The following EYS variants were observed in gnomAD, a reference collection of about 807,000 sequenced individuals.
The protein encoded by EYS is protein eyes shut homolog.
Under a neutral mutation model 282.1 loss-of-function variants are expected in EYS, and 250 were observed. That is an observed-to-expected ratio of 0.89 (90% CI 0.80 to 0.98). The LOEUF (loss-of-function observed/expected upper bound fraction) is 0.98. EYS is among the 50% of genes least tolerant of loss of function. EYS has a pLI of 0.00. For missense variants in EYS, 4,016 were observed against 3,709.0 expected (o/e 1.08, Z -2.15); for synonymous variants, 1,355 against 1,282.9 (o/e 1.06, Z -1.20).
intron 31 of EYS, among the ~76,000 whole-genome samples, chr6:64,122,238 G>T (rs1452609910): frequency 6.6e-6 from 1 of 152,008 alleles, no homozygotes; most frequent in Non-Finnish European, 1.5e-5. Flanking sequence ...AACTGAGATT[G>T]GAAAATACAT....
rs763400165 is a variant in EYS, at chr6:64,591,600, G to A, written c.4267C>T (p.Pro1423Ser). The A allele has an allele frequency of 2.6e-6, 4 of 1,551,150 alleles. No individual in the cohort carries two copies. The Admixed American group carries it at 7.9e-5, about 30-fold the overall frequency. ...ATGCTTCTAATTACTGAAGTCGTTG[G>A]GGTAGCAGATAAAGCAACAGTCTGA... ...NCQTVALSAT[P>S]TTSVIRSIPG... The change falls in exon 26 of 43, where the codon CCA (proline) becomes TCA (serine). Residue 1423 changes from proline to serine, a missense_variant. Pro to Ser is a moderately conservative substitution (Grantham distance 74). Coordinates refer to ENST00000503581, the MANE Select transcript of EYS (RefSeq NM_001142800.2).
At chr6:64,368,238 C>G (rs1772243401) in intron 29 of EYS, among the ~76,000 whole-genome samples, 1 of 152,054 alleles carries the variant, frequency 6.6e-6, no homozygotes, top group Admixed American at 6.6e-5. Context: ...ATAATGGCCT[C>G]CTGCTCCATC....
At chr6:64,021,865 T>C (rs1053006268) in intron 33 of EYS, among the ~76,000 whole-genome samples, 2 of 152,190 alleles carry the variant, frequency 1.3e-5, no homozygotes, top group Non-Finnish European at 2.9e-5. Context: ...AAACATACTA[T>C]ACATATTCTT....
rs537538866 is a variant in EYS at position 64,296,003 on chromosome 6, T to C, written c.6191+10967A>G. On this transcript the variant is annotated intron_variant, in intron 30 of 42. Transcript: ENST00000503581. ...AGACCAATATTTTGGCAGCAAAAAA[T>C]TGTGCATGAGTAAAAGATCCATTCA... Among the ~76,000 whole-genome samples the C allele has an allele frequency of 3.3e-5, 5 of 152,286 alleles. No homozygotes were observed. The East Asian group carries it at 5.8e-4, about 18-fold the overall frequency.
chr6:64,763,516 T>C (rs1773227381), intron 22 of EYS, among the ~76,000 whole-genome samples: 1 of 151,736 alleles, frequency 6.6e-6, no homozygotes, highest in Admixed American at 6.6e-5. Context: ...CCAAGTCCTT[T>C]CCCCAACACT....
chr6:65,682,168 A>G (rs1768848524), intron 1 of EYS, among the ~76,000 whole-genome samples: 1 of 151,936 alleles, frequency 6.6e-6, no homozygotes, highest in Non-Finnish European at 1.5e-5. Flanking sequence ...TTTTTCTTTG[A>G]AATTCTGAAG....
intron 12 of EYS, among the ~76,000 whole-genome samples, chr6:65,209,984 C>T (rs114007019): frequency 6.6e-6 from 1 of 151,784 alleles, no homozygotes; most frequent in Non-Finnish European, 1.5e-5. Flanking sequence ...GAAATAAGAG[C>T]AGTGGGAAGT....
At chr6:64,467,168 T>A (rs1176376910) in intron 26 of EYS, among the ~76,000 whole-genome samples, 2 of 152,208 alleles carry the variant, frequency 1.3e-5, no homozygotes, top group Non-Finnish European at 2.9e-5. Context: ...TATTTATTAG[T>A]ATTCAGGGAA....
chr6:64,395,266 G>C (rs1204954436), intron 28 of EYS, among the ~76,000 whole-genome samples: 1 of 152,116 alleles, frequency 6.6e-6, no homozygotes, highest in Admixed American at 6.5e-5. Context: ...ATTTGACCCA[G>C]CCATCCCATT....
Position 63,859,111 on chromosome 6 carries a change from T to TTTTTA in EYS, c.7228+5074_7228+5075insTAAAA, listed in dbSNP as rs796999871. On this transcript the variant is annotated intron_variant, in intron 36 of 42. Coordinates refer to ENST00000503581, the MANE Select transcript of EYS (RefSeq NM_001142800.2). ...TTTTTTTTTTTTTTTTTTTTTTTTT[T>TTTTTA]AATAGCTGGGATGGAGATGCAGCCT... 3.8e-3 allele frequency among the ~76,000 whole-genome samples: 272 copies of TTTTTA among 71,200 alleles called. 90 individuals are homozygous for TTTTTA. Among genetic ancestry groups the TTTTTA allele is most frequent in the African/African-American group, 0.011 (174 of 15,788 alleles). 46.7% of individuals were successfully genotyped at this position (71,200 alleles called of 152,430 possible).
At chr6:64,924,745 T>C (rs974891469) in intron 15 of EYS, among the ~76,000 whole-genome samples, 1 of 152,200 alleles carries the variant, frequency 6.6e-6, no homozygotes, top group African/African-American at 2.4e-5. Flanking sequence ...GTCTCTTTGC[T>C]AAAACATAAC....
At chr6:65,101,574 C>T (rs1227900072) in intron 12 of EYS, among the ~76,000 whole-genome samples, 1 of 151,114 alleles carries the variant, frequency 6.6e-6, no homozygotes, top group Non-Finnish European at 1.5e-5. Flanking sequence ...TAATAAATAG[C>T]ATTTATTCAT....
At chr6:65,533,850 C>A (rs560007522) in intron 2 of EYS, among the ~76,000 whole-genome samples, 12 of 152,210 alleles carry the variant, frequency 7.9e-5, no homozygotes, top group African/African-American at 2.9e-4. Context: ...GTACAGCAGC[C>A]TGAATAGACT....
At chr6:64,205,379 A>G (rs1199828433) in intron 31 of EYS, among the ~76,000 whole-genome samples, 1 of 152,100 alleles carries the variant, frequency 6.6e-6, no homozygotes, top group Non-Finnish European at 1.5e-5. Flanking sequence ...ACAACATTAC[A>G]ATTTCTTGGT....
chr6:64,727,838 T>C (rs1771810205), intron 22 of EYS, among the ~76,000 whole-genome samples: 1 of 152,226 alleles, frequency 6.6e-6, no homozygotes, highest in Non-Finnish European at 1.5e-5. Flanking sequence ...GAGGAATAAG[T>C]TGTTTCTTTA....
At chr6:65,506,183 C>G (rs1350041096) in intron 2 of EYS, among the ~76,000 whole-genome samples, 1 of 152,066 alleles carries the variant, frequency 6.6e-6, no homozygotes, top group East Asian at 1.9e-4. Flanking sequence ...CATAATATAT[C>G]TTTTCTCGTC....
At chr6:65,705,327 G>T (rs1769836664) in intron 1 of EYS, among the ~76,000 whole-genome samples, 2 of 152,152 alleles carry the variant, frequency 1.3e-5, no homozygotes. Context: ...GCTAAGCATA[G>T]CTTAACGTAC....
chr6:64,421,466 T>C (rs1001363690), intron 28 of EYS, among the ~76,000 whole-genome samples: 8 of 152,140 alleles, frequency 5.3e-5, no homozygotes, highest in Non-Finnish European at 1.0e-4. Context: ...GATGATGTCA[T>C]TTCTCATTAG....
At chr6:65,599,389 A>G (rs948542423) in intron 2 of EYS, among the ~76,000 whole-genome samples, 1 of 151,960 alleles carries the variant, frequency 6.6e-6, no homozygotes, top group African/African-American at 2.4e-5. Flanking sequence ...ATTTATCTCT[A>G]TTGGCTGATC....
Sources: gnomAD v4.1 joint callset for allele counts (sites outside exome capture counted in the v4.1 genomes callset) on GRCh38, gnomAD v4.1.1 for gene constraint, MANE v1.5 for transcripts, NCBI Gene and HGNC (gene_info 2026-07-23, HGNC 2026-07-21) for gene names.